Variants in LYPD6 observed in about 807,000 individuals in gnomAD.
LYPD6 encodes ly6/PLAUR domain-containing protein 6.
In LYPD6, 15 loss-of-function variants were observed where a neutral mutation model predicts 22.7. The ratio of observed to expected loss-of-function variants is 0.66; its 90% CI spans 0.44 to 1.02. LYPD6 has a LOEUF of 1.02. Among genes scored for constraint, LYPD6 ranks in the 50% least tolerant of loss-of-function variants. LYPD6 has a pLI of 0.00. For synonymous variants in LYPD6, 72 were observed against 77.5 expected (o/e 0.93, Z 0.37); for missense variants, 189 against 208.4 (o/e 0.91, Z 0.57).
intron 1 of LYPD6, among the ~76,000 whole-genome samples, chr2:149,333,305 A>C (rs544731695): frequency 2.0e-5 from 3 of 152,348 alleles, no homozygotes; most frequent in Admixed American, 2.0e-4. Context: ...TTATTTTTTA[A>C]GGGCTCATCA....
At chr2:149,342,055 G>C (rs1429058320) in intron 1 of LYPD6, among the ~76,000 whole-genome samples, 1 of 152,156 alleles carries the variant, frequency 6.6e-6, no homozygotes, top group African/African-American at 2.4e-5. Flanking sequence ...ATTCTTCTTA[G>C]AGACTCTACT....
At chr2:149,479,366 G>T in the LYPD6 span, among the ~76,000 whole-genome samples, 1 of 152,052 alleles carries the variant, frequency 6.6e-6, no homozygotes, top group South Asian at 2.1e-4. Flanking sequence ...CCAGCCATTT[G>T]TCAGTGGCTG....
upstream of LYPD6, chr2:149,330,022 C>G (rs1680896873): frequency 6.6e-6 from 1 of 152,162 alleles, no homozygotes; most frequent in Non-Finnish European, 1.5e-5. Flanking sequence ...TCCCTGGGTT[C>G]GGAGCTTCAC....
chr2:149,369,605 A>T lies in LYPD6; in HGVS notation c.-72+38883A>T, dbSNP rs147374229. ...GTAGTCAGCCCTTAGAGAAAGAAGG[A>T]TGTAGTTAGAATCGTATCTACCATG... is the stretch of plus-strand genomic sequence containing the variant. On this transcript the variant is annotated intron_variant, in intron 1 of 4. Transcript: ENST00000334166. Among the ~76,000 whole-genome samples, 837 of 152,248 alleles carry T rather than the reference A, an allele frequency of 5.5e-3. 7 individuals are homozygous for T. Among genetic ancestry groups the T allele is most frequent in the African/African-American group, 0.02 (810 of 41,534 alleles).
chr2:149,369,908 G>A (rs543289843), intron 1 of LYPD6, among the ~76,000 whole-genome samples: 2 of 149,288 alleles, frequency 1.3e-5, no homozygotes, highest in East Asian at 2.0e-4. Context: ...AAAGTGGGAG[G>A]GTAGACAATA....
chr2:149,371,178 T>C (rs1681800334), intron 1 of LYPD6, among the ~76,000 whole-genome samples: 1 of 152,160 alleles, frequency 6.6e-6, no homozygotes, highest in Admixed American at 6.5e-5. Flanking sequence ...TGATTCTTGG[T>C]TGCATGAACA....
At chr2:149,426,023 A>C (rs918291239) in intron 1 of LYPD6, among the ~76,000 whole-genome samples, 1 of 152,244 alleles carries the variant, frequency 6.6e-6, no homozygotes, top group African/African-American at 2.4e-5. Context: ...TCAAGTGAGA[A>C]ATATTGGTTA....
At chr2:149,435,222 ACT>A (rs2105147332) in intron 1 of LYPD6, among the ~76,000 whole-genome samples, 1 of 152,342 alleles carries the variant, frequency 6.6e-6, no homozygotes, top group South Asian at 2.1e-4. Context: ...AGCTTCCAGA[ACT>A]GTGAGAAATC....
At chr2:149,481,528 G>A in the LYPD6 span, among the ~76,000 whole-genome samples, 1 of 152,002 alleles carries the variant, frequency 6.6e-6, no homozygotes, top group Non-Finnish European at 1.5e-5. Context: ...AGCATTATTT[G>A]TAATTACAAA....
chr2:149,480,339 T>C, the LYPD6 span, among the ~76,000 whole-genome samples: 3 of 152,046 alleles, frequency 2.0e-5, no homozygotes, highest in Non-Finnish European at 4.4e-5. Context: ...AACACTGTGC[T>C]CCCTCCAGCC....
intron 3 of LYPD6, among the ~76,000 whole-genome samples, chr2:149,451,906 A>T (rs1680832665): frequency 6.6e-6 from 1 of 152,170 alleles, no homozygotes; most frequent in African/African-American, 2.4e-5. Flanking sequence ...ATCTGAACAT[A>T]TCAGATGTCA....
intron 3 of LYPD6, among the ~76,000 whole-genome samples, chr2:149,467,430 G>T (rs1043696381): frequency 6.6e-6 from 1 of 152,184 alleles, no homozygotes; most frequent in African/African-American, 2.4e-5. Context: ...TAGGAAGACT[G>T]TTAAAACCCC....
At chr2:149,431,444 C>T (rs1683310564) in intron 1 of LYPD6, among the ~76,000 whole-genome samples, 2 of 152,198 alleles carry the variant, frequency 1.3e-5, no homozygotes, top group Admixed American at 1.3e-4. Context: ...AAAGATACAT[C>T]CCCTGAGCAG....
intron 1 of LYPD6, among the ~76,000 whole-genome samples, chr2:149,417,012 C>T (rs1255544557): frequency 6.6e-6 from 1 of 152,086 alleles, no homozygotes; most frequent in Admixed American, 6.6e-5. Flanking sequence ...ACCAGCCAGT[C>T]CACAAGCCCC....
At chr2:149,455,107 C>T (rs928338824) in intron 3 of LYPD6, among the ~76,000 whole-genome samples, 1 of 152,134 alleles carries the variant, frequency 6.6e-6, no homozygotes, top group African/African-American at 2.4e-5. Context: ...TCTTTAAATC[C>T]AGTCTACAAT....
chr2:149,422,085 G>T (rs1573794377), intron 1 of LYPD6, among the ~76,000 whole-genome samples: 2 of 152,218 alleles, frequency 1.3e-5, no homozygotes, highest in South Asian at 4.2e-4. Context: ...AAACGTTCCT[G>T]GGCAGTGTCT....
chr2:149,399,776 C>A (rs1363163484), intron 1 of LYPD6, among the ~76,000 whole-genome samples: 2 of 151,496 alleles, frequency 1.3e-5, no homozygotes, highest in Non-Finnish European at 2.9e-5. Context: ...ATTAGAGGGA[C>A]ATAAAGAGAC....
chr2:149,406,012 AG>A (rs1308640207), intron 1 of LYPD6, among the ~76,000 whole-genome samples: 1 of 150,170 alleles, frequency 6.7e-6, no homozygotes, highest in African/African-American at 2.5e-5. Context: ...ATTCAGGAGC[AG>A]GTTGTTCAGT....
the LYPD6 span, among the ~76,000 whole-genome samples, chr2:149,486,375 CA>C: frequency 6.6e-6 from 1 of 152,130 alleles, no homozygotes; most frequent in Admixed American, 6.5e-5. Context: ...TTATGAGTTC[CA>C]CATTCACTCT....
Sources: gnomAD v4.1 joint callset for allele counts (sites outside exome capture counted in the v4.1 genomes callset) on GRCh38, gnomAD v4.1.1 for gene constraint, MANE v1.5 for transcripts, NCBI Gene and HGNC (gene_info 2026-07-23, HGNC 2026-07-21) for gene names.